LINGO2: variants seen among roughly 807,000 people sequenced by gnomAD.
The protein encoded by LINGO2 is leucine-rich repeat and immunoglobulin-like domain-containing nogo receptor-interacting protein 2.
Under a neutral mutation model 30.6 loss-of-function variants are expected in LINGO2, and 14 were observed. That is an observed-to-expected ratio of 0.46 (90% CI 0.30 to 0.72). The LOEUF (loss-of-function observed/expected upper bound fraction) is 0.72, where lower values mean the gene tolerates loss of function less well. LINGO2 is among the 30% of genes least tolerant of loss of function. LINGO2 has a pLI of 0.07. For synonymous variants in LINGO2, 317 were observed against 288.5 expected, an observed-to-expected ratio of 1.10 and a Z score of -1.00; for missense variants, 729 against 751.7, an observed-to-expected ratio of 0.97 and a Z score of 0.35.
chr9:28,661,712 G>A (rs796182080), intron 1 of LINGO2, among the ~76,000 whole-genome samples: 2 of 152,178 alleles, frequency 1.3e-5, no homozygotes, highest in African/African-American at 4.8e-5. Flanking sequence ...AAAAATGATA[G>A]ATTTAAAGTT....
intron 3 of LINGO2, among the ~76,000 whole-genome samples, chr9:28,357,725 C>T (rs1443597565): frequency 6.6e-6 from 1 of 152,058 alleles, no homozygotes. Flanking sequence ...GAATCACTAA[C>T]AGGTTCAGTG....
At chr9:29,035,175 AC>A in the LINGO2 span, among the ~76,000 whole-genome samples, 1 of 152,088 alleles carries the variant, frequency 6.6e-6, no homozygotes, top group Non-Finnish European at 1.5e-5. Flanking sequence ...AAATTATAAA[AC>A]CATCATGTTA....
the LINGO2 span, among the ~76,000 whole-genome samples, chr9:29,018,035 T>TAGAG: frequency 2.8e-5 from 4 of 142,772 alleles, no homozygotes; most frequent in African/African-American, 1.0e-4. Context: ...TATATATATA[T>TAGAG]AGAGAGAGAG....
chr9:28,610,052 A>G (rs983537618), intron 1 of LINGO2, among the ~76,000 whole-genome samples: 1 of 152,114 alleles, frequency 6.6e-6, no homozygotes, highest in Non-Finnish European at 1.5e-5. Context: ...CCCAACTGTT[A>G]ATAGTGGTTA....
the LINGO2 span, among the ~76,000 whole-genome samples, chr9:28,742,534 G>A: frequency 6.6e-6 from 1 of 151,210 alleles, no homozygotes; most frequent in Non-Finnish European, 1.5e-5. Flanking sequence ...AGTTTATATT[G>A]AGTTCCCTGA....
the LINGO2 span, among the ~76,000 whole-genome samples, chr9:28,846,368 G>GA: frequency 6.6e-6 from 1 of 151,430 alleles, no homozygotes; most frequent in South Asian, 2.1e-4. Context: ...GCCAAGTTGG[G>GA]ATTAATTTAT....
intron 3 of LINGO2, among the ~76,000 whole-genome samples, chr9:28,346,970 C>A (rs1417681406): frequency 6.6e-6 from 1 of 151,476 alleles, no homozygotes; most frequent in Non-Finnish European, 1.5e-5. Context: ...TTCTCCCATT[C>A]TGTAGGTTGT....
chr9:29,019,206 T>C, the LINGO2 span, among the ~76,000 whole-genome samples: 4 of 152,224 alleles, frequency 2.6e-5, no homozygotes, highest in African/African-American at 7.2e-5. Flanking sequence ...CTGCAAGGCA[T>C]GTGTTTTACT....
chr9:28,133,248 A>C (rs1201425865), intron 4 of LINGO2, among the ~76,000 whole-genome samples: 1 of 152,234 alleles, frequency 6.6e-6, no homozygotes, highest in African/African-American at 2.4e-5. Flanking sequence ...ATAAGTACCA[A>C]ATACATGAAT....
At chr9:28,714,252 A>G in the LINGO2 span, among the ~76,000 whole-genome samples, 6 of 150,058 alleles carry the variant, frequency 4.0e-5, no homozygotes, top group African/African-American at 1.5e-4. Context: ...CACTACAGTC[A>G]TTAACATCTT....
chr9:28,753,138 G>A, the LINGO2 span, among the ~76,000 whole-genome samples: 1 of 151,836 alleles, frequency 6.6e-6, no homozygotes, highest in Non-Finnish European at 1.5e-5. Context: ...TGCATATTTT[G>A]GAAGGAGTGT....
At chr9:28,231,037 A>G (rs1821337240) in intron 4 of LINGO2, among the ~76,000 whole-genome samples, 1 of 151,936 alleles carries the variant, frequency 6.6e-6, no homozygotes, top group African/African-American at 2.4e-5. Context: ...ATGAGTTCCT[A>G]TAAGACAATG....
intron 3 of LINGO2, among the ~76,000 whole-genome samples, chr9:28,363,061 G>A (rs1052117384): frequency 5.3e-5 from 8 of 151,974 alleles, no homozygotes; most frequent in Admixed American, 3.9e-4. Context: ...GAGTATCTAC[G>A]GCAGGCCAAA....
chr9:29,072,935 T>TC, the LINGO2 span, among the ~76,000 whole-genome samples: 1 of 150,800 alleles, frequency 6.6e-6, no homozygotes, highest in Non-Finnish European at 1.5e-5. Context: ...TCTCTCTCTC[T>TC]TTCTCTCTCT....
chr9:28,723,888 AG>A, the LINGO2 span, among the ~76,000 whole-genome samples: 1 of 152,196 alleles, frequency 6.6e-6, no homozygotes, highest in East Asian at 1.9e-4. Flanking sequence ...ATAAGACAAA[AG>A]AATTAGCTTA....
chr9:27,956,683 C>A (rs1429352633), intron 5 of LINGO2, among the ~76,000 whole-genome samples: 3 of 152,228 alleles, frequency 2.0e-5, no homozygotes, highest in Admixed American at 2.0e-4. Context: ...TTATTATTTA[C>A]ATTCAAGTCC....
the LINGO2 span, among the ~76,000 whole-genome samples, chr9:28,762,583 G>C: frequency 1.3e-5 from 2 of 152,042 alleles, no homozygotes; most frequent in African/African-American, 4.8e-5. Flanking sequence ...ACGGCAACTT[G>C]ATTGAGGACA....
chr9:28,175,721 A>C (rs1491003924), intron 4 of LINGO2, among the ~76,000 whole-genome samples: 1 of 152,178 alleles, frequency 6.6e-6, no homozygotes, highest in African/African-American at 2.4e-5. Flanking sequence ...TAGGGAAAAT[A>C]CTGAGTTAGT....
intron 2 of LINGO2, among the ~76,000 whole-genome samples, chr9:28,427,856 T>A (rs1264060829): frequency 6.6e-6 from 1 of 152,156 alleles, no homozygotes. Flanking sequence ...GCTCCTAATA[T>A]AGAGCTCGGC....
Sources: allele counts gnomAD v4.1 joint callset (sites outside exome capture counted in the v4.1 genomes callset), GRCh38; gene constraint gnomAD v4.1.1; transcripts MANE v1.5; gene names NCBI Gene and HGNC (gene_info 2026-07-23, HGNC 2026-07-21).